The following DCAF17 variants were observed in gnomAD, a reference collection of about 807,000 sequenced individuals.
DCAF17 encodes the protein DDB1- and CUL4-associated factor 17.
Under a neutral mutation model 66.0 loss-of-function variants are expected in DCAF17, and 48 were observed. The observed-to-expected ratio is 0.73, with a 90% confidence interval of 0.58 to 0.92. The LOEUF is 0.92. Ranked by LOEUF, DCAF17 falls within the 40% of genes least tolerant of loss-of-function variation. DCAF17 has a pLI of 0.00. For missense variants in DCAF17, 562 were observed against 622.8 expected, an observed-to-expected ratio of 0.90 and a Z score of 1.04; for synonymous variants, 206 against 214.6, an observed-to-expected ratio of 0.96 and a Z score of 0.35.
intron 8 of DCAF17, among the ~76,000 whole-genome samples, chr2:171,459,879 A>G (rs1038798701): frequency 6.6e-6 from 1 of 152,216 alleles, no homozygotes; most frequent in Non-Finnish European, 1.5e-5. Context: ...AGCTCTAGCA[A>G]TACCTCCTGT....
Position 171,476,929 on chromosome 2 carries a change from G to A in DCAF17, c.1161G>A (p.Leu387=). 4 of 1,613,290 alleles carry A rather than the reference G, an allele frequency of 2.5e-6. No homozygotes were observed. The highest frequency in any genetic ancestry group is 2.5e-6 in the Non-Finnish European group (3 of 1,179,530). ...AGATCTCTGAAGATTTTGTCATTTT[G>A]GCCAACAGGGAGAACCATAAAGTAA... ...QHQISEDFVI[L]ANRENHKNEN... The change falls in exon 11 of 14, where the codon TTG becomes TTA. Residue 387 remains leucine, a synonymous_variant. Transcript: ENST00000375255.
chr2:171,455,398 G>T (rs940200325), intron 6 of DCAF17, among the ~76,000 whole-genome samples: 12 of 152,170 alleles, frequency 7.9e-5, no homozygotes, highest in African/African-American at 2.2e-4. Flanking sequence ...TCGTTACCCA[G>T]TCTATCACTG....
chr2:171,471,206 T>G (rs537547793), intron 9 of DCAF17, among the ~76,000 whole-genome samples: 1 of 152,212 alleles, frequency 6.6e-6, no homozygotes, highest in Non-Finnish European at 1.5e-5. Flanking sequence ...TATCACAATT[T>G]TATCACTGTG....
At chr2:171,475,559 G>C (rs1179640121) in intron 10 of DCAF17, among the ~76,000 whole-genome samples, 1 of 152,168 alleles carries the variant, frequency 6.6e-6, no homozygotes, top group Non-Finnish European at 1.5e-5. Context: ...GAAACCAGCA[G>C]TTTGAGACCA....
chr2:171,481,294 AT>A lies in DCAF17; in HGVS notation c.*188del, dbSNP rs746203651. 2.8e-5 allele frequency: 22 copies of A among 779,428 alleles called. No homozygotes were observed. Among genetic ancestry groups the A allele is most frequent in the Admixed American group, 8.1e-5 (4 of 49,442 alleles). The allele number at this position is 779,428 out of a possible 1,614,324, so 48.3% of individuals were successfully genotyped here. A position where few individuals can be genotyped will look rare whatever the true frequency, so the allele number is the denominator to read the frequency against. On this transcript the variant is annotated 3_prime_UTR_variant, in exon 14 of 14. Coordinates refer to ENST00000375255, the MANE Select transcript of DCAF17 (RefSeq NM_025000.4). ...TGCTGTAAAAGATGGTGAGGACTTC[AT>A]TTTTTTTAAAGGTTTTTTAGAATAC...
chr2:171,443,727 A>G (rs973945607), intron 3 of DCAF17, 114 bp downstream of exon 3: 1 of 810,362 alleles, frequency 1.2e-6, no homozygotes, highest in Admixed American at 2.1e-5. Flanking sequence ...TGACTCTTGC[A>G]TCTTTAAAGC....
intron 8 of DCAF17, among the ~76,000 whole-genome samples, chr2:171,466,538 C>T (rs1278175825): frequency 3.3e-5 from 5 of 151,834 alleles, no homozygotes; most frequent in African/African-American, 4.8e-5. Context: ...ATTTTCTTAC[C>T]ACAAGACATG....
rs55987027 is a variant in DCAF17, at chr2:171,449,689, A to G, written c.459-190A>G. On this transcript the variant is annotated intron_variant, in intron 4 of 13. Coordinates refer to ENST00000375255, the MANE Select transcript of DCAF17 (RefSeq NM_025000.4). ...CTAGAAAGATTAAAATTATGTATGT[A>G]TTTAAATAGGGATATGTCCATATGG... Among the ~76,000 whole-genome samples the G allele has an allele frequency of 0.18, 27,135 of 152,210 alleles. 2,984 individuals carry two copies. Among genetic ancestry groups the G allele is most frequent in the Admixed American group, 0.28 (4,276 of 15,294 alleles).
At chr2:171,454,923 T>G (rs1695164177) in intron 6 of DCAF17, among the ~76,000 whole-genome samples, 1 of 151,972 alleles carries the variant, frequency 6.6e-6, no homozygotes, top group African/African-American at 2.4e-5. Flanking sequence ...CCTCTTTTTC[T>G]TCTTTTACTT....
At chr2:171,453,315 C>G (rs879401359) in intron 6 of DCAF17, 102 bp downstream of exon 6, 24 of 891,538 alleles carry the variant, frequency 2.7e-5, no homozygotes, top group Non-Finnish European at 3.9e-5. Context: ...ATGCTCCCCT[C>G]ACTATAAAAA....
intron 8 of DCAF17, among the ~76,000 whole-genome samples, chr2:171,466,619 G>C (rs748634846): frequency 6.6e-6 from 1 of 151,802 alleles, no homozygotes; most frequent in Non-Finnish European, 1.5e-5. Context: ...GGGGCTCTTG[G>C]GTTCACAGGG....
rs1478476569 is a variant in DCAF17, at chr2:171,484,532, G to C, written c.*3418G>C. 2.2e-6 allele frequency: 1 copy of C among 452,108 alleles called. No homozygotes were observed. Among genetic ancestry groups the C allele is most frequent in the Non-Finnish European group, 4.4e-6 (1 of 226,208 alleles). The allele number at this position is 452,108 out of a possible 1,614,324, so 28.0% of individuals were successfully genotyped here. A position where few individuals can be genotyped will look rare whatever the true frequency, so the allele number is the denominator to read the frequency against. ...GCAGTTGCTGATATACTTCCCCCTA[G>C]TACTTCAACTGCAGATTATTAACTA... On this transcript the variant is annotated 3_prime_UTR_variant, in exon 14 of 14. Coordinates refer to ENST00000375255, the MANE Select transcript of DCAF17 (RefSeq NM_025000.4).
intron 2 of DCAF17, chr2:171,443,301 G>C (rs1416645426): frequency 4.7e-6 from 2 of 425,328 alleles, no homozygotes; most frequent in East Asian, 8.6e-5. Context: ...ATGTTAATAA[G>C]GGTTATTTTT....
At chr2:171,449,618 GT>G (rs1336119457) in intron 4 of DCAF17, among the ~76,000 whole-genome samples, 3 of 152,040 alleles carry the variant, frequency 2.0e-5, no homozygotes, top group Non-Finnish European at 4.4e-5. Context: ...TGTTTTCTAA[GT>G]TTTGAATACT....
Position 171,458,490 on chromosome 2 carries a change from T to C in DCAF17, c.838+13T>C. On this transcript the variant is annotated intron_variant, in intron 8 of 13. Transcript: ENST00000375255. Reference sequence around the variant, plus strand: ...ATTAAAATCACAGGTATGGCTACTCTATAGTATTTTTTCACCTTAAAAAAA... The same window carrying C: ...ATTAAAATCACAGGTATGGCTACTCCATAGTATTTTTTCACCTTAAAAAAA... 1 of 1,588,168 alleles carries C rather than the reference T, an allele frequency of 6.3e-7. No individual in the cohort carries two copies. The highest frequency in any genetic ancestry group is 8.6e-7 in the Non-Finnish European group (1 of 1,156,770).
intron 12 of DCAF17, among the ~76,000 whole-genome samples, chr2:171,478,576 C>T (rs1180905031): frequency 6.6e-6 from 1 of 152,168 alleles, no homozygotes; most frequent in Admixed American, 6.6e-5. Context: ...TTTTTATCCC[C>T]TTCCTTTAAA....
intron 10 of DCAF17, chr2:171,474,307 A>T (rs1044718069): frequency 1.9e-5 from 6 of 317,578 alleles, no homozygotes; most frequent in African/African-American, 1.3e-4. Flanking sequence ...AAGGCAGCCT[A>T]GACACAGGAA....
At chr2:171,480,316 G>A in intron 13 of DCAF17, 123 bp downstream of exon 13, 1 of 1,273,016 alleles carries the variant, frequency 7.9e-7, no homozygotes, top group East Asian at 2.5e-5. Context: ...ATGTGAAAGA[G>A]GTTTTGTCCT....
chr2:171,453,059 A>G (rs1695043809), intron 5 of DCAF17, 65 bp from the exon 6 acceptor site: 2 of 1,139,002 alleles, frequency 1.8e-6, no homozygotes, highest in East Asian at 2.4e-5. Context: ...TTTTTCAACT[A>G]ATGAAAACAG....
Sources: gnomAD v4.1 joint callset for allele counts (sites outside exome capture counted in the v4.1 genomes callset) on GRCh38, gnomAD v4.1.1 for gene constraint, MANE v1.5 for transcripts, NCBI Gene and HGNC (gene_info 2026-07-23, HGNC 2026-07-21) for gene names.